Variants in SH3RF3 observed in about 807,000 individuals in gnomAD.
The protein encoded by SH3RF3 is SH3 domain containing ring finger 3.
SH3RF3 carries 29 observed loss-of-function variants against 66.3 expected under a neutral mutation model. That is an observed-to-expected ratio of 0.44 (90% CI 0.33 to 0.60). The LOEUF (loss-of-function observed/expected upper bound fraction) is 0.60, where lower values mean the gene tolerates loss of function less well. Among genes scored for constraint, SH3RF3 ranks in the 20% least tolerant of loss-of-function variants. SH3RF3 has a pLI of 0.04. For synonymous variants in SH3RF3, 583 were observed against 532.0 expected (o/e 1.10, Z -1.32); for missense variants, 1,194 against 1,190.9 (o/e 1.00, Z -0.04).
chr2:109,296,053 C>G (rs1454484525), intron 1 of SH3RF3, among the ~76,000 whole-genome samples: 1 of 152,002 alleles, frequency 6.6e-6, no homozygotes, highest in Non-Finnish European at 1.5e-5. Context: ...AAGTTTCCTC[C>G]CCAGGATCCC....
Position 109,427,975 on chromosome 2 carries a change from G to A in SH3RF3, c.1404-4526G>A, listed in dbSNP as rs577358425. Among the ~76,000 whole-genome samples the A allele has an allele frequency of 1.9e-4, 29 of 152,362 alleles. 1 individual carries two copies. The highest frequency in any genetic ancestry group is 6.5e-4 in the Admixed American group (10 of 15,312). ...CTCGCCCTGCCTGCAGCTCCTGGTC[G>A]CCTCTGAGCTCCTGAGCCTGCTTCA... On this transcript the variant is annotated intron_variant, in intron 5 of 9. Transcript: ENST00000309415.
chr2:109,218,859 CCA>C (rs1228689566), intron 1 of SH3RF3, among the ~76,000 whole-genome samples: 1 of 152,184 alleles, frequency 6.6e-6, no homozygotes, highest in East Asian at 1.9e-4. Flanking sequence ...ACACACAAAC[CCA>C]CAATCAATGC....
intron 9 of SH3RF3, among the ~76,000 whole-genome samples, chr2:109,494,023 T>G (rs1230260063): frequency 1.3e-5 from 2 of 152,156 alleles, no homozygotes; most frequent in African/African-American, 4.8e-5. Flanking sequence ...GGCCCTTGTC[T>G]GGAGTCACAG....
chr2:109,268,612 T>C (rs1303995134), intron 1 of SH3RF3, among the ~76,000 whole-genome samples: 1 of 152,232 alleles, frequency 6.6e-6, no homozygotes, highest in Non-Finnish European at 1.5e-5. Flanking sequence ...GAACAATTTT[T>C]AACTTCAAGA....
At chr2:109,160,083 G>A (rs1276031161) in intron 1 of SH3RF3, among the ~76,000 whole-genome samples, 1 of 152,336 alleles carries the variant, frequency 6.6e-6, no homozygotes, top group South Asian at 2.1e-4. Flanking sequence ...AAAGGTTGGA[G>A]ACTGCTGATT....
At chr2:109,169,953 G>A (rs1273275196) in intron 1 of SH3RF3, among the ~76,000 whole-genome samples, 2 of 152,114 alleles carry the variant, frequency 1.3e-5, no homozygotes, top group African/African-American at 4.8e-5. Flanking sequence ...ATCTTTAAGA[G>A]ACTTTAATGT....
In SH3RF3 at chr2:109,504,172, A is replaced by G. The variant is rs1211027782; in HGVS notation, c.*2501A>G. On this transcript the variant is annotated 3_prime_UTR_variant, in exon 10 of 10. Transcript: ENST00000309415. ...CCTTTCTTCAGGCCATCTTGCCTCA[A>G]AGGGTACACATGTTTGGCGGTTAAG... 1 of 152,234 alleles carries G rather than the reference A, an allele frequency of 6.6e-6. No individual in the cohort carries two copies. Among genetic ancestry groups the G allele is most frequent in the Admixed American group, 6.5e-5 (1 of 15,284 alleles). The allele number at this position is 152,234 out of a possible 1,614,324, so 9.4% of individuals were successfully genotyped here.
At chr2:109,359,852 G>T (rs947648054) in intron 2 of SH3RF3, among the ~76,000 whole-genome samples, 29 of 152,246 alleles carry the variant, frequency 1.9e-4, no homozygotes, top group Middle Eastern at 3.4e-3. Context: ...CCCCATGCAA[G>T]CACAACCATA....
At chr2:109,424,624 A>T (rs1676981708) in intron 5 of SH3RF3, among the ~76,000 whole-genome samples, 1 of 152,238 alleles carries the variant, frequency 6.6e-6, no homozygotes, top group East Asian at 1.9e-4. Context: ...TTATATCTTT[A>T]TGGTGATGTG....
At chr2:109,459,025 C>T (rs2104676288) in intron 8 of SH3RF3, among the ~76,000 whole-genome samples, 1 of 152,210 alleles carries the variant, frequency 6.6e-6, no homozygotes, top group East Asian at 1.9e-4. Flanking sequence ...CATACTTCTG[C>T]CTAATATGAT....
At chr2:109,187,053 C>T (rs1458862978) in intron 1 of SH3RF3, among the ~76,000 whole-genome samples, 2 of 149,768 alleles carry the variant, frequency 1.3e-5, no homozygotes, top group African/African-American at 2.4e-5. Context: ...GCTGGCCCCA[C>T]CTGTCACGGA....
intron 2 of SH3RF3, among the ~76,000 whole-genome samples, chr2:109,368,698 G>T (rs1683197422): frequency 7.2e-6 from 1 of 138,314 alleles, no homozygotes; most frequent in African/African-American, 2.8e-5. Flanking sequence ...GGATATCATG[G>T]TATTTTCTTT....
intron 1 of SH3RF3, among the ~76,000 whole-genome samples, chr2:109,225,160 A>AG (rs1388038068): frequency 1.3e-5 from 2 of 152,150 alleles, no homozygotes; most frequent in Non-Finnish European, 2.9e-5. Context: ...GTGTAAAATG[A>AG]GGTTCTATGG....
At chr2:109,501,192 G>A (rs1274337778) in intron 9 of SH3RF3, among the ~76,000 whole-genome samples, 1 of 152,126 alleles carries the variant, frequency 6.6e-6, no homozygotes, top group Non-Finnish European at 1.5e-5. Flanking sequence ...GGTGGGCCAG[G>A]GCAGGAGCGT....
At chr2:109,199,269 C>T (rs1486774279) in intron 1 of SH3RF3, among the ~76,000 whole-genome samples, 1 of 30,638 alleles carries the variant, frequency 3.3e-5, no homozygotes, top group Non-Finnish European at 8.1e-5. Flanking sequence ...TTGCAGTGAG[C>T]CGAGATCATG....
chr2:109,133,078 G>C lies in SH3RF3; in HGVS notation c.573+2965G>C, dbSNP rs112125709. Among the ~76,000 whole-genome samples the C allele has an allele frequency of 5.3e-3, 811 of 152,328 alleles. 6 individuals carry two copies. Among genetic ancestry groups the C allele is most frequent in the African/African-American group, 0.018 (756 of 41,574 alleles). ...GACTGGCTTGGGCTTTCTGGATGGA[G>C]CTGACAGTAGAGGTAGTGAGTGGTT... On this transcript the variant is annotated intron_variant, in intron 1 of 9. Transcript: ENST00000309415.
At chr2:109,262,458 G>A (rs942478325) in intron 1 of SH3RF3, among the ~76,000 whole-genome samples, 1 of 152,208 alleles carries the variant, frequency 6.6e-6, no homozygotes, top group African/African-American at 2.4e-5. Flanking sequence ...GTACCCAAGA[G>A]CCCATAGGAC....
intron 1 of SH3RF3, among the ~76,000 whole-genome samples, chr2:109,159,395 A>G (rs1267007080): frequency 3.3e-5 from 5 of 152,224 alleles, no homozygotes; most frequent in Non-Finnish European, 2.9e-5. Context: ...CTTGGGAACC[A>G]GGGCGGGCAT....
chr2:109,229,250 T>C (rs1477769970), intron 1 of SH3RF3, among the ~76,000 whole-genome samples: 1 of 152,192 alleles, frequency 6.6e-6, no homozygotes, highest in Non-Finnish European at 1.5e-5. Context: ...ACACTTCTTA[T>C]TTGGAGCAGT....
Sources: allele counts gnomAD v4.1 joint callset (sites outside exome capture counted in the v4.1 genomes callset), GRCh38; gene constraint gnomAD v4.1.1; transcripts MANE v1.5; gene names NCBI Gene and HGNC (gene_info 2026-07-23, HGNC 2026-07-21).